Variants in DYNLT1 observed in about 807,000 individuals in gnomAD.
The protein encoded by DYNLT1 is dynein light chain Tctex-type 1.
Under a neutral mutation model 19.6 loss-of-function variants are expected in DYNLT1, and 18 were observed. That is an observed-to-expected ratio of 0.92 (90% CI 0.64 to 1.36). The LOEUF (loss-of-function observed/expected upper bound fraction) is 1.36, where lower values mean the gene tolerates loss of function less well. Among genes scored for constraint, DYNLT1 ranks in the 40% most tolerant of loss-of-function variants. The probability of loss-of-function intolerance (pLI) is 0.00; values close to 1 mark genes in which losing one functional copy is unlikely to be tolerated. For missense variants in DYNLT1, 137 were observed against 139.3 expected, an observed-to-expected ratio of 0.98 and a Z score of 0.08; for synonymous variants, 56 against 44.0, an observed-to-expected ratio of 1.27 and a Z score of -1.07.
At position 158,637,608 on chromosome 6, in the gene DYNLT1, A is replaced by G. The variant is rs111489368; in HGVS notation, c.193+163T>C. ...ACGATCTGCAATTGTACCAGCAGCC[A>G]AATGGTCAAGCGTACGCTAACGTAT... On this transcript the variant is annotated intron_variant, in intron 3 of 4. Transcript: ENST00000367089. 26 of 1,059,054 alleles carry G rather than the reference A, an allele frequency of 2.5e-5. 2 individuals carry two copies. The highest frequency in any genetic ancestry group is 2.4e-4 in the African/African-American group (15 of 62,762). The allele number at this position is 1,059,054 out of a possible 1,614,324, so 65.6% of individuals were successfully genotyped here.
intron 1 of DYNLT1, among the ~76,000 whole-genome samples, chr6:158,643,725 C>T (rs1787228308): frequency 6.6e-6 from 1 of 152,224 alleles, no homozygotes; most frequent in South Asian, 2.1e-4. Context: ...AGGTGATCCG[C>T]CCGCCTAGGC....
At chr6:158,637,061 A>G (rs770242853) in intron 4 of DYNLT1, 67 bp downstream of exon 4, 1 of 1,598,180 alleles carries the variant, frequency 6.3e-7, no homozygotes, top group South Asian at 1.1e-5. Context: ...ATTGCATTCA[A>G]AGATAGGAAA....
chr6:158,638,853 T>C (rs554362217), intron 2 of DYNLT1, among the ~76,000 whole-genome samples: 1 of 152,352 alleles, frequency 6.6e-6, no homozygotes, highest in South Asian at 2.1e-4. Context: ...TTGCTAAGCT[T>C]ATCATTATGA....
At chr6:158,637,266 C>A (rs1487980406) in intron 3 of DYNLT1, 61 bp from the exon 4 acceptor site, 3 of 1,479,074 alleles carry the variant, frequency 2.0e-6, no homozygotes, top group South Asian at 1.2e-5. Flanking sequence ...GTCATTCTGT[C>A]CACTTTTAGC....
chr6:158,637,626 T>A, intron 3 of DYNLT1, 145 bp downstream of exon 3: 1 of 1,267,120 alleles, frequency 7.9e-7, no homozygotes, highest in Non-Finnish European at 1.1e-6. Context: ...AAGCGTACGC[T>A]AACGTATACT....
rs778058027 is a variant in DYNLT1, at chr6:158,636,768, C to CTGGTGGT, written c.*52_*58dup. 2 of 1,525,716 alleles carry CTGGTGGT rather than the reference C, an allele frequency of 1.3e-6. No homozygotes were observed. The highest frequency in any genetic ancestry group is 1.8e-6 in the Non-Finnish European group (2 of 1,119,592). The allele number at this position is 1,525,716 out of a possible 1,614,324, so 94.5% of individuals were successfully genotyped here. On this transcript the variant is annotated 3_prime_UTR_variant, in exon 5 of 5. Transcript: ENST00000367089. ...AGAAAAGAGTTCACTGAATTCATGG[C>CTGGTGGT]TGGTGGTTAGAGGATGAACTAGAGA...
rs781452396 is a variant in DYNLT1 at position 158,637,153 on chromosome 6, G to C, written c.246C>G (p.Ser82=). ...KNGAGLHTAS[S]CFWDSSTDGS... Reference sequence around the variant, plus strand: ...CGTCAGTAGAGCTGTCCCAGAAGCAGGAACTTGCTGTGTGTAATCCAGCTC... The same window carrying C: ...CGTCAGTAGAGCTGTCCCAGAAGCACGAACTTGCTGTGTGTAATCCAGCTC... Residue 82 remains serine (S), a synonymous_variant, in exon 4 of 5, where the codon TCC becomes TCG. Transcript: ENST00000367089. The C allele has an allele frequency of 1.9e-6, 3 of 1,614,132 alleles. No homozygotes were observed. The highest frequency in any genetic ancestry group is 2.2e-5 in the South Asian group (2 of 91,092).
rs765044054 is a variant in DYNLT1 at position 158,641,307 on chromosome 6, T to TTCTCGG, written c.69+11_69+12insCCGAGA. Reference sequence around the variant, plus strand: ...CATTAAACATTTAAGAAGTGAGCATTTCTCCTCTTACCTCTTTTACAATGT... The same window carrying TTCTCGG: ...CATTAAACATTTAAGAAGTGAGCATTTCTCGGTCTCCTCTTACCTCTTTTACAATGT... On this transcript the variant is annotated intron_variant, in intron 2 of 4. Transcript: ENST00000367089. 2 of 1,589,056 alleles carry TTCTCGG rather than the reference T, an allele frequency of 1.3e-6. No individual in the cohort carries two copies. Among genetic ancestry groups the TTCTCGG allele is most frequent in the East Asian group, 4.6e-5 (2 of 43,468 alleles).
At position 158,644,677 on chromosome 6, in the gene DYNLT1, G is replaced by C; in HGVS notation, c.27+5C>G. The C allele has an allele frequency of 2.5e-6, 4 of 1,612,086 alleles. No individual in the cohort carries two copies. Among genetic ancestry groups the C allele is most frequent in the Non-Finnish European group, 3.4e-6 (4 of 1,179,714 alleles). On this transcript the variant is annotated splice_donor_5th_base_variant and intron_variant, in intron 1 of 4. Transcript: ENST00000367089. ...CCACCCTTCCGTCGCCGACCCGGCG[G>C]TTACCTCCTCCGCAGCCTGGTAGTC... is the stretch of plus-strand genomic sequence containing the variant.
Position 158,637,692 on chromosome 6 carries a change from T to C in DYNLT1, c.193+79A>G, listed in dbSNP as rs13197297. The stretch of plus-strand genomic sequence containing the variant: ...TCCTTGAGTTGAGCCACGTTAGCTG[T>C]TGTTTCTGGTACTGGATGCCCCTCT... On this transcript the variant is annotated intron_variant, in intron 3 of 4. Coordinates refer to ENST00000367089, the MANE Select transcript of DYNLT1 (RefSeq NM_006519.4). The C allele has an allele frequency of 5.6e-6, 9 of 1,611,332 alleles. No homozygotes were observed. The Admixed American group carries it at 1.0e-4, about 18-fold the overall frequency.
intron 2 of DYNLT1, among the ~76,000 whole-genome samples, chr6:158,639,763 C>A (rs1787097814): frequency 6.6e-6 from 1 of 152,202 alleles, no homozygotes; most frequent in Non-Finnish European, 1.5e-5. Flanking sequence ...TTACTGCACC[C>A]TCCATCTCCC....
intron 3 of DYNLT1, chr6:158,637,561 C>A: frequency 1.5e-6 from 1 of 678,754 alleles, no homozygotes; most frequent in South Asian, 1.8e-5. Flanking sequence ...GATGGGACCT[C>A]CTGTAAGATC....
At position 158,636,608 on chromosome 6, in the gene DYNLT1, A is replaced by AGTT. The variant is rs1337064059; in HGVS notation, c.*216_*218dup. 1 of 512,316 alleles carries AGTT rather than the reference A, an allele frequency of 2.0e-6. No homozygotes were observed. Among genetic ancestry groups the AGTT allele is most frequent in the East Asian group, 3.2e-5 (1 of 31,120 alleles). The allele number at this position is 512,316 out of a possible 1,614,324, so 31.7% of individuals were successfully genotyped here. Reference sequence around the variant, plus strand: ...AGCACCTTTGAAATGAAATATTCAGAGTTAAGACAAGTGGCAACGCAGGCT... The same window carrying AGTT: ...AGCACCTTTGAAATGAAATATTCAGAGTTGTTAAGACAAGTGGCAACGCAGGCT... On this transcript the variant is annotated 3_prime_UTR_variant, in exon 5 of 5. Coordinates refer to ENST00000367089, the MANE Select transcript of DYNLT1 (RefSeq NM_006519.4).
At position 158,636,838 on chromosome 6, in the gene DYNLT1, G is replaced by T. The variant is rs752248258; in HGVS notation, c.331C>A (p.Leu111Met). The change falls in exon 5 of 5, where the codon CTG (leucine) becomes ATG (methionine). Residue 111 changes from leucine (L) to methionine (M), a missense_variant. Transcript: ENST00000367089. ...GGCTGGACTGCAGGTCAAATAGACA[G>T]TCCGAAGGCACTGACGATGCAGTAC... The part of the protein sequence containing the change: ...TMYCIVSAFG[L>M]SI The T allele has an allele frequency of 6.2e-7, 1 of 1,611,494 alleles. No homozygotes were observed. The highest frequency in any genetic ancestry group is 8.5e-7 in the Non-Finnish European group (1 of 1,178,902).
At chr6:158,638,751 C>A (rs1787075418) in intron 2 of DYNLT1, among the ~76,000 whole-genome samples, 2 of 152,224 alleles carry the variant, frequency 1.3e-5, no homozygotes, top group Non-Finnish European at 2.9e-5. Context: ...CAGCACCCAG[C>A]CCAACTTTTT....
intron 4 of DYNLT1, 67 bp from the exon 5 acceptor site, chr6:158,636,964 A>G: frequency 1.9e-6 from 3 of 1,575,896 alleles, no homozygotes; most frequent in Non-Finnish European, 2.6e-6. Flanking sequence ...ACTCACAATA[A>G]GGCCAACATT....
chr6:158,636,791 A>G lies in DYNLT1; in HGVS notation c.*36T>C. 6.3e-7 allele frequency: 1 copy of G among 1,588,368 alleles called. No homozygotes were observed. The highest frequency in any genetic ancestry group is 8.6e-7 in the Non-Finnish European group (1 of 1,165,532). On this transcript the variant is annotated 3_prime_UTR_variant, in exon 5 of 5. Coordinates refer to ENST00000367089, the MANE Select transcript of DYNLT1 (RefSeq NM_006519.4). ...GGCTGGTGGTTAGAGGATGAACTAG[A>G]GACAAAAGGAGAAAGGCCATAGGCT...
In DYNLT1 at chr6:158,636,783, T is replaced by C. The variant is rs775515782; in HGVS notation, c.*44A>G. 1 of 1,570,974 alleles carries C rather than the reference T, an allele frequency of 6.4e-7. No homozygotes were observed. The highest frequency in any genetic ancestry group is 8.7e-7 in the Non-Finnish European group (1 of 1,153,360). On this transcript the variant is annotated 3_prime_UTR_variant, in exon 5 of 5. Coordinates refer to ENST00000367089, the MANE Select transcript of DYNLT1 (RefSeq NM_006519.4). ...GAATTCATGGCTGGTGGTTAGAGGA[T>C]GAACTAGAGACAAAAGGAGAAAGGC... is the stretch of plus-strand genomic sequence containing the variant.
rs1787003717 is a variant in DYNLT1, at chr6:158,636,676, C to G, written c.*151G>C. On this transcript the variant is annotated 3_prime_UTR_variant, in exon 5 of 5. Transcript: ENST00000367089. Reference sequence around the variant, plus strand: ...ATACTCATCTGACTTCGGTGCCATTCACATCACAGTGCGGTCATTTGGTTT... The same window carrying G: ...ATACTCATCTGACTTCGGTGCCATTGACATCACAGTGCGGTCATTTGGTTT... 1.2e-6 allele frequency: 1 copy of G among 820,690 alleles called. No homozygotes were observed. The highest frequency in any genetic ancestry group is 1.7e-5 in the African/African-American group (1 of 58,284). 50.8% of individuals were successfully genotyped at this position (820,690 alleles called of 1,614,324 possible). A position where few individuals can be genotyped will look rare whatever the true frequency, so the allele number is the denominator to read the frequency against.
Sources: gnomAD v4.1 joint callset for allele counts (sites outside exome capture counted in the v4.1 genomes callset) on GRCh38, gnomAD v4.1.1 for gene constraint, MANE v1.5 for transcripts, NCBI Gene and HGNC (gene_info 2026-07-23, HGNC 2026-07-21) for gene names.